The following PTPRJ variants were observed in gnomAD, a reference collection of about 807,000 sequenced individuals.
PTPRJ encodes receptor-type tyrosine-protein phosphatase eta.
PTPRJ carries 129 observed loss-of-function variants against 141.3 expected under a neutral mutation model. The observed-to-expected ratio is 0.91, with a 90% CI of 0.79 to 1.06. PTPRJ has a LOEUF of 1.06. Ranked by LOEUF, PTPRJ falls within the 50% of genes least tolerant of loss-of-function variation. The probability of loss-of-function intolerance (pLI) is 0.00; values close to 1 mark genes in which losing one functional copy is unlikely to be tolerated. For synonymous variants in PTPRJ, 610 were observed against 640.5 expected (o/e 0.95, Z 0.72); for missense variants, 1,601 against 1,679.7 (o/e 0.95, Z 0.82).
intron 8 of PTPRJ, among the ~76,000 whole-genome samples, chr11:48,135,268 G>A (rs1316373395): frequency 2.0e-5 from 3 of 149,584 alleles, no homozygotes; most frequent in Non-Finnish European, 3.0e-5. Context: ...TCTGCCTTCC[G>A]GGTTCAAGTG....
chr11:48,149,139 C>T (rs1325626661), intron 15 of PTPRJ, among the ~76,000 whole-genome samples: 1 of 152,192 alleles, frequency 6.6e-6, no homozygotes, highest in African/African-American at 2.4e-5. Context: ...ACAAGTCTTG[C>T]TTTACATTAA....
intron 1 of PTPRJ, among the ~76,000 whole-genome samples, chr11:48,055,124 T>C (rs1222769595): frequency 6.6e-6 from 1 of 152,150 alleles, no homozygotes; most frequent in African/African-American, 2.4e-5. Flanking sequence ...AGGTTGAGAC[T>C]GCAATGAGCT....
chr11:47,987,945 AT>A (rs889647519), intron 1 of PTPRJ, among the ~76,000 whole-genome samples: 3 of 152,296 alleles, frequency 2.0e-5, no homozygotes, highest in Admixed American at 2.0e-4. Context: ...CATGCAAATA[AT>A]TTTCAGTTCC....
At chr11:48,120,602 G>T (rs958020329) in intron 3 of PTPRJ, among the ~76,000 whole-genome samples, 5 of 150,932 alleles carry the variant, frequency 3.3e-5, no homozygotes, top group African/African-American at 4.9e-5. Flanking sequence ...ATTTTTTTTT[G>T]TTTTTTTTGT....
chr11:48,135,934 G>GA, intron 8 of PTPRJ, 105 bp from the exon 9 acceptor site: 1 of 1,343,272 alleles, frequency 7.4e-7, no homozygotes, highest in African/African-American at 1.5e-5. Context: ...GAACTCATTA[G>GA]AAAGCGTAAT....
At chr11:47,990,370 A>G (rs1034388718) in intron 1 of PTPRJ, among the ~76,000 whole-genome samples, 11 of 152,226 alleles carry the variant, frequency 7.2e-5, no homozygotes, top group Admixed American at 2.0e-4. Flanking sequence ...GGCAAAGACC[A>G]TAATATTGTA....
chr11:48,013,545 A>C (rs571843662), intron 1 of PTPRJ, among the ~76,000 whole-genome samples: 7 of 152,224 alleles, frequency 4.6e-5, no homozygotes, highest in African/African-American at 1.7e-4. Context: ...GCTCAGGAGA[A>C]TCTTGCTTCT....
intron 1 of PTPRJ, among the ~76,000 whole-genome samples, chr11:48,061,652 C>T (rs1169831024): frequency 2.0e-5 from 3 of 152,184 alleles, no homozygotes. Context: ...CACCACCTCT[C>T]TGTTATGTAC....
At position 48,039,347 on chromosome 11, in the gene PTPRJ, A is replaced by C. The variant is rs1486217039; in HGVS notation, c.96+58339A>C. Among the ~76,000 whole-genome samples, 5 of 151,904 alleles carry C rather than the reference A, an allele frequency of 3.3e-5. No individual in the cohort carries two copies. In the South Asian group the frequency reaches 6.2e-4, roughly 19 times the overall value. On this transcript the variant is annotated intron_variant, in intron 1 of 24. Coordinates refer to ENST00000418331, the MANE Select transcript of PTPRJ (RefSeq NM_002843.4). ...GCGGCTTAGAGAGGTTAAAAAAAAA[A>C]AACAACAAACTGCCTCAAACAAAGT... is the stretch of plus-strand genomic sequence containing the variant.
chr11:48,029,394 A>G (rs1284573219), intron 1 of PTPRJ, among the ~76,000 whole-genome samples: 1 of 152,244 alleles, frequency 6.6e-6, no homozygotes, highest in Non-Finnish European at 1.5e-5. Context: ...AGAAAGGCAG[A>G]AGGAAAACAG....
chr11:48,117,173 A>G (rs1355852745), intron 3 of PTPRJ, among the ~76,000 whole-genome samples: 1 of 152,218 alleles, frequency 6.6e-6, no homozygotes, highest in Non-Finnish European at 1.5e-5. Context: ...ATGGAAACAC[A>G]ATATACTAAA....
chr11:48,103,574 A>G (rs1856208467), intron 1 of PTPRJ, among the ~76,000 whole-genome samples: 1 of 152,232 alleles, frequency 6.6e-6, no homozygotes, highest in Non-Finnish European at 1.5e-5. Context: ...GCTGGAAACT[A>G]TCTGCTTCTT....
intron 1 of PTPRJ, among the ~76,000 whole-genome samples, chr11:48,040,610 TTC>T (rs1854249863): frequency 7.4e-6 from 1 of 135,242 alleles, no homozygotes; most frequent in African/African-American, 3.8e-5. Context: ...CTTCTTCTTC[TTC>T]TTTTTTTTTT....
Position 48,149,507 on chromosome 11 carries a change from G to A in PTPRJ, c.3041+19G>A, listed in dbSNP as rs756875406. 1 of 1,428,858 alleles carries A rather than the reference G, an allele frequency of 7.0e-7. No homozygotes were observed. The highest frequency in any genetic ancestry group is 9.7e-7 in the Non-Finnish European group (1 of 1,032,002). 88.5% of individuals were successfully genotyped at this position (1,428,858 alleles called of 1,614,324 possible). A position where few individuals can be genotyped will look rare whatever the true frequency, so the allele number is the denominator to read the frequency against. ...AAATTAAGTAAGTCTCTCAAATTATGAGCTTTATTTTAAATCCTCCAATCT... is the reference window on the plus strand; with the variant it reads ...AAATTAAGTAAGTCTCTCAAATTATAAGCTTTATTTTAAATCCTCCAATCT... On this transcript the variant is annotated intron_variant, in intron 16 of 24. Transcript: ENST00000418331.
chr11:48,016,116 T>C (rs893523347), intron 1 of PTPRJ, among the ~76,000 whole-genome samples: 4 of 152,106 alleles, frequency 2.6e-5, no homozygotes, highest in Non-Finnish European at 4.4e-5. Context: ...TTGAGGGGCT[T>C]GGATTGACCT....
At position 48,160,016 on chromosome 11, in the gene PTPRJ, G is replaced by A. The variant is rs373764833; in HGVS notation, c.3525G>A (p.Pro1175=). ...TVAMTSEIVL[P]EWTIRDFTVK... is the part of the protein sequence containing the mutation. Reference sequence around the variant, plus strand: ...CAATGACATCAGAAATTGTTCTTCCGGAATGGACCATCAGAGATTTCACAG... The same window carrying A: ...CAATGACATCAGAAATTGTTCTTCCAGAATGGACCATCAGAGATTTCACAG... The change falls in exon 22 of 25, where the codon CCG becomes CCA. Residue 1175 remains proline, a synonymous_variant. Transcript: ENST00000418331. 3.5e-5 allele frequency: 56 copies of A among 1,613,856 alleles called. No individual in the cohort carries two copies. The highest frequency in any genetic ancestry group is 1.6e-4 in the Middle Eastern group (1 of 6,082).
At chr11:48,103,244 A>G (rs917654589) in intron 1 of PTPRJ, among the ~76,000 whole-genome samples, 2 of 152,200 alleles carry the variant, frequency 1.3e-5, no homozygotes, top group Admixed American at 1.3e-4. Context: ...GGAAACCTTC[A>G]GGCCAGGAGT....
intron 18 of PTPRJ, among the ~76,000 whole-genome samples, chr11:48,150,704 C>T (rs1857461268): frequency 6.6e-6 from 1 of 152,178 alleles, no homozygotes; most frequent in Non-Finnish European, 1.5e-5. Context: ...ACTTCTGAAG[C>T]CCTGCACAAG....
intron 8 of PTPRJ, chr11:48,131,752 G>A: frequency 2.1e-6 from 1 of 472,682 alleles, no homozygotes; most frequent in South Asian, 3.9e-5. Context: ...TACAGAGAAT[G>A]TTTGCTGACC....
Sources: allele counts gnomAD v4.1 joint callset (sites outside exome capture counted in the v4.1 genomes callset), GRCh38; gene constraint gnomAD v4.1.1; transcripts MANE v1.5; gene names NCBI Gene and HGNC (gene_info 2026-07-23, HGNC 2026-07-21).